The following CRADD variants were observed in gnomAD, a reference collection of about 807,000 sequenced individuals.
CRADD encodes death domain-containing protein CRADD.
Under a neutral mutation model 15.5 loss-of-function variants are expected in CRADD, and 9 were observed. The ratio of observed to expected loss-of-function variants is 0.58; its 90% CI spans 0.35 to 1.01. The LOEUF is 1.01. CRADD is among the 50% of genes least tolerant of loss of function. The pLI, the probability that CRADD is intolerant of heterozygous loss-of-function variation, is 0.02. For missense variants in CRADD, 227 were observed against 250.3 expected, an observed-to-expected ratio of 0.91 and a Z score of 0.63; for synonymous variants, 118 against 107.6, an observed-to-expected ratio of 1.10 and a Z score of -0.60.
At chr12:93,719,869 T>A (rs958800922) in intron 2 of CRADD, among the ~76,000 whole-genome samples, 1 of 152,174 alleles carries the variant, frequency 6.6e-6, no homozygotes, top group African/African-American at 2.4e-5. Context: ...ATTTCATCTA[T>A]CTTTTCAAAG....
At chr12:93,751,630 G>C (rs778380067) in intron 2 of CRADD, among the ~76,000 whole-genome samples, 1 of 152,092 alleles carries the variant, frequency 6.6e-6, no homozygotes, top group Non-Finnish European at 1.5e-5. Flanking sequence ...TTTGGAAGGC[G>C]GAGGCAGGCG....
At chr12:93,706,386 A>C (rs1955951794) in intron 2 of CRADD, among the ~76,000 whole-genome samples, 1 of 152,246 alleles carries the variant, frequency 6.6e-6, no homozygotes, top group African/African-American at 2.4e-5. Context: ...TCAAGATAAT[A>C]GTTTATATGA....
At chr12:93,808,729 C>T (rs183702017) in intron 2 of CRADD, among the ~76,000 whole-genome samples, 1 of 152,150 alleles carries the variant, frequency 6.6e-6, no homozygotes, top group Admixed American at 6.6e-5. Context: ...GAGCCAATGC[C>T]GTTGAGTAGC....
intron 2 of CRADD, among the ~76,000 whole-genome samples, chr12:93,727,334 G>A (rs1057270321): frequency 3.3e-5 from 5 of 152,176 alleles, no homozygotes; most frequent in African/African-American, 1.2e-4. Flanking sequence ...GTTGCAAGAT[G>A]ACTCCACAGT....
chr12:93,837,708 A>G (rs1340887225), intron 2 of CRADD: 1 of 152,270 alleles, frequency 6.6e-6, no homozygotes, highest in East Asian at 1.9e-4. Context: ...GTCAAAAATC[A>G]TAAGATCTGT....
At chr12:93,767,132 A>G (rs542743379) in intron 2 of CRADD, among the ~76,000 whole-genome samples, 2 of 152,304 alleles carry the variant, frequency 1.3e-5, no homozygotes, top group South Asian at 2.1e-4. Flanking sequence ...CACATTCACA[A>G]AGGATCTGGT....
intron 2 of CRADD, among the ~76,000 whole-genome samples, chr12:93,866,306 CT>C (rs2137062855): frequency 6.6e-6 from 1 of 152,074 alleles, no homozygotes; most frequent in South Asian, 2.1e-4. Context: ...TTTCCTTACC[CT>C]TTCTCTCTTA....
intron 2 of CRADD, among the ~76,000 whole-genome samples, chr12:93,728,429 C>T (rs553258963): frequency 3.3e-5 from 5 of 152,322 alleles, no homozygotes; most frequent in African/African-American, 1.2e-4. Context: ...TGAAACGAGT[C>T]AATGTAGTAA....
Position 93,850,033 on chromosome 12 carries a change from A to G in CRADD, c.362A>G (p.Asn121Ser). ...LNSSPSDRQI[N>S]QLAQRLGPEW... is the part of the protein sequence containing the mutation. ...AGCTCCCCATCAGACCGGCAGATTA[A>G]CCAGCTGGCCCAGAGGCTGGGCCCT... Residue 121 changes from asparagine (N) to serine (S), a missense_variant, in exon 3 of 3, where the codon AAC (asparagine) becomes AGC (serine). Coordinates refer to ENST00000332896, the MANE Select transcript of CRADD (RefSeq NM_003805.5). The surrounding 1 kb of genome is among the most constrained non-coding windows in gnomAD (Gnocchi z 4.0). 1.9e-6 allele frequency: 3 copies of G among 1,611,362 alleles called. No homozygotes were observed. The highest frequency in any genetic ancestry group is 2.5e-6 in the Non-Finnish European group (3 of 1,177,438).
intron 2 of CRADD, among the ~76,000 whole-genome samples, chr12:93,686,775 C>A (rs1319923974): frequency 1.3e-5 from 2 of 152,192 alleles, no homozygotes; most frequent in Admixed American, 6.5e-5. Context: ...ATTACTGGGA[C>A]TAGAATCCAG....
intron 2 of CRADD, among the ~76,000 whole-genome samples, chr12:93,880,200 A>G (rs1565947286): frequency 6.6e-6 from 1 of 152,180 alleles, no homozygotes; most frequent in Non-Finnish European, 1.5e-5. Flanking sequence ...ACTTAGTCTT[A>G]TCTTACGGAT....
intron 2 of CRADD, among the ~76,000 whole-genome samples, chr12:93,689,027 A>G (rs1461853809): frequency 6.6e-6 from 1 of 152,088 alleles, no homozygotes; most frequent in East Asian, 1.9e-4. Flanking sequence ...CTAGGGTCTA[A>G]TGGAAGACCA....
In CRADD at chr12:93,850,103, T is replaced by G; in HGVS notation, c.432T>G (p.Asp144Glu). 7 of 1,614,018 alleles carry G rather than the reference T, an allele frequency of 4.3e-6. No homozygotes were observed. The highest frequency in any genetic ancestry group is 5.9e-6 in the Non-Finnish European group (7 of 1,179,896). Residue 144 changes from aspartate (D) to glutamate (E), a missense_variant, in exon 3 of 3, where the codon GAT (aspartate) becomes GAG (glutamate). Transcript: ENST00000332896. This position sits in a 1 kb window ranked among gnomAD's most constrained non-coding sequence, Gnocchi z 4.0. ...TGTCTCTGGGACTGTCCCAGACGGA[T>G]ATCTACCGCTGTAAGGCCAACCACC... The part of the protein sequence containing the change: ...MVLSLGLSQT[D>E]IYRCKANHPH...
chr12:93,776,161 A>G (rs1382789806), intron 2 of CRADD, among the ~76,000 whole-genome samples: 2 of 152,252 alleles, frequency 1.3e-5, no homozygotes, highest in East Asian at 1.9e-4. Flanking sequence ...TCATACAATT[A>G]TATAGTTCTA....
intron 2 of CRADD, among the ~76,000 whole-genome samples, chr12:93,692,089 A>G (rs1298709793): frequency 6.6e-6 from 1 of 152,074 alleles, no homozygotes; most frequent in Admixed American, 6.5e-5. Context: ...AAATTAATGG[A>G]CTGAAAAATG....
chr12:93,862,455 T>A (rs982669621), intron 2 of CRADD, among the ~76,000 whole-genome samples: 3 of 152,122 alleles, frequency 2.0e-5, no homozygotes, highest in Non-Finnish European at 4.4e-5. Context: ...AGCTGGGGCT[T>A]GACGGGAGTG....
At chr12:93,784,169 G>A (rs913885415) in intron 2 of CRADD, among the ~76,000 whole-genome samples, 4 of 152,118 alleles carry the variant, frequency 2.6e-5, no homozygotes, top group African/African-American at 4.8e-5. Flanking sequence ...TGGTTCTGAC[G>A]TTGTTTCCTT....
intron 2 of CRADD, among the ~76,000 whole-genome samples, chr12:93,691,139 A>G (rs1345331514): frequency 1.3e-5 from 2 of 152,090 alleles, no homozygotes; most frequent in Non-Finnish European, 2.9e-5. Context: ...CAGGCCTTTC[A>G]TATTTGTTTG....
At chr12:93,696,445 C>A (rs1955708807) in intron 2 of CRADD, among the ~76,000 whole-genome samples, 1 of 151,964 alleles carries the variant, frequency 6.6e-6, no homozygotes. Flanking sequence ...ATGGATGAAC[C>A]TAGGTGATAT....
Sources: gnomAD v4.1 joint callset for allele counts (sites outside exome capture counted in the v4.1 genomes callset) on GRCh38, gnomAD v4.1.1 for gene constraint, Gnocchi (gnomAD v3.1) non-coding constraint, MANE v1.5 for transcripts, NCBI Gene and HGNC (gene_info 2026-07-23, HGNC 2026-07-21) for gene names.